The following ZNRF2 variants were observed in gnomAD, a reference collection of about 807,000 sequenced individuals.
ZNRF2 encodes the protein E3 ubiquitin-protein ligase ZNRF2.
A neutral mutation model predicts 20.4 loss-of-function variants in ZNRF2; 16 were observed. The ratio of observed to expected loss-of-function variants is 0.79; its 90% CI spans 0.53 to 1.19. ZNRF2 has a LOEUF of 1.19. Among genes scored for constraint, ZNRF2 ranks in the 50% most tolerant of loss-of-function variants. The probability of loss-of-function intolerance (pLI) is 0.00; values close to 1 mark genes in which losing one functional copy is unlikely to be tolerated. For missense variants in ZNRF2, 363 were observed against 332.4 expected, an observed-to-expected ratio of 1.09 and a Z score of -0.72; for synonymous variants, 178 against 144.9, an observed-to-expected ratio of 1.23 and a Z score of -1.64.
At chr7:30,300,922 A>T (rs976024593) in intron 1 of ZNRF2, among the ~76,000 whole-genome samples, 1 of 152,226 alleles carries the variant, frequency 6.6e-6, no homozygotes, top group Non-Finnish European at 1.5e-5. Flanking sequence ...AAATGAATCA[A>T]ACAATTTAAC....
intron 2 of ZNRF2, among the ~76,000 whole-genome samples, chr7:30,334,144 T>G (rs1799681694): frequency 6.6e-6 from 1 of 152,194 alleles, no homozygotes; most frequent in Admixed American, 6.5e-5. Flanking sequence ...ATGGAAGTCT[T>G]TAGTTCATCT....
intron 2 of ZNRF2, among the ~76,000 whole-genome samples, chr7:30,341,510 G>A (rs1799795319): frequency 6.6e-6 from 1 of 152,116 alleles, no homozygotes. Flanking sequence ...TAGTCATTGA[G>A]GAGCAGGTTG....
intron 1 of ZNRF2, among the ~76,000 whole-genome samples, chr7:30,290,728 C>G (rs1445515694): frequency 6.6e-6 from 1 of 152,226 alleles, no homozygotes; most frequent in East Asian, 1.9e-4. Flanking sequence ...ATAGTCACAT[C>G]AGTTCTTTCT....
At position 30,295,050 on chromosome 7, in the gene ZNRF2, A is replaced by AGAGAGT. The variant is rs1412764480; in HGVS notation, c.469+9225_469+9226insAGAGTG. On this transcript the variant is annotated intron_variant, in intron 1 of 4. Transcript: ENST00000323037. ...GAGAGAGAGAGAGAGAGAGAGAGAG[A>AGAGAGT]GTGTGTGTGTGTGTGTGTGTGTGTG... Among the ~76,000 whole-genome samples the AGAGAGT allele has an allele frequency of 5.4e-3, 206 of 38,282 alleles. 1 individual carries two copies. The highest frequency in any genetic ancestry group is 0.021 in the Middle Eastern group (1 of 48). The allele number at this position is 38,282 out of a possible 152,430, so 25.1% of individuals were successfully genotyped here.
chr7:30,341,658 A>T (rs1007097876), intron 2 of ZNRF2, among the ~76,000 whole-genome samples: 2 of 152,170 alleles, frequency 1.3e-5, no homozygotes, highest in Non-Finnish European at 2.9e-5. Flanking sequence ...TCAATTTTAG[A>T]ATAGATGCGA....
At chr7:30,327,732 C>G (rs1042223851) in intron 2 of ZNRF2, among the ~76,000 whole-genome samples, 1 of 151,390 alleles carries the variant, frequency 6.6e-6, no homozygotes, top group South Asian at 2.1e-4. Flanking sequence ...GCTGTGTTGC[C>G]CGGGCTGGAG....
rs909226096 is a variant in ZNRF2, at chr7:30,357,076, C to T, written c.671+1243C>T. On this transcript the variant is annotated intron_variant, in intron 3 of 4. Coordinates refer to ENST00000323037, the MANE Select transcript of ZNRF2 (RefSeq NM_147128.4). ...ATCATCATAATGGAACATTTCACTA[C>T]GCCTTTCATTGAGTCAAGCCACATA... is the stretch of plus-strand genomic sequence containing the variant. Among the ~76,000 whole-genome samples the T allele has an allele frequency of 5.3e-5, 8 of 152,074 alleles. No individual in the cohort carries two copies. The East Asian group carries it at 5.8e-4, about 11-fold the overall frequency.
At chr7:30,319,533 T>C (rs1799434402) in intron 1 of ZNRF2, among the ~76,000 whole-genome samples, 3 of 152,144 alleles carry the variant, frequency 2.0e-5, no homozygotes. Context: ...TTCTGTATTT[T>C]CACCTGACTA....
intron 1 of ZNRF2, among the ~76,000 whole-genome samples, chr7:30,303,935 C>CT (rs1272189241): frequency 3.9e-5 from 6 of 152,170 alleles, no homozygotes; most frequent in Non-Finnish European, 8.8e-5. Context: ...AGCAGGAACT[C>CT]TATTTGTGGT....
At chr7:30,304,181 C>G (rs913138571) in intron 1 of ZNRF2, among the ~76,000 whole-genome samples, 1 of 152,178 alleles carries the variant, frequency 6.6e-6, no homozygotes, top group Non-Finnish European at 1.5e-5. Context: ...CCAGTCTCCT[C>G]TCCTTTTCTG....
At chr7:30,289,956 T>C (rs555505846) in intron 1 of ZNRF2, 14 of 518,886 alleles carry the variant, frequency 2.7e-5, no homozygotes, top group East Asian at 1.1e-4. Context: ...TTACCAAATA[T>C]CATTAATGAG....
At chr7:30,333,663 C>T (rs188840202) in intron 2 of ZNRF2, among the ~76,000 whole-genome samples, 56 of 152,296 alleles carry the variant, frequency 3.7e-4, no homozygotes, top group African/African-American at 1.3e-3. Flanking sequence ...CCATCGCACC[C>T]AGCCCATATT....
At chr7:30,358,575 G>A (rs1800075472) in intron 3 of ZNRF2, among the ~76,000 whole-genome samples, 1 of 152,176 alleles carries the variant, frequency 6.6e-6, no homozygotes, top group Non-Finnish European at 1.5e-5. Flanking sequence ...AACTGCATGG[G>A]AACCAATGAG....
At chr7:30,290,135 T>C (rs1562601963) in intron 1 of ZNRF2, among the ~76,000 whole-genome samples, 1 of 152,216 alleles carries the variant, frequency 6.6e-6, no homozygotes, top group Non-Finnish European at 1.5e-5. Flanking sequence ...TTTATGTGAA[T>C]ATTCTTAAGA....
At chr7:30,314,452 A>G (rs778514180) in intron 1 of ZNRF2, among the ~76,000 whole-genome samples, 8 of 152,192 alleles carry the variant, frequency 5.3e-5, no homozygotes, top group Non-Finnish European at 7.3e-5. Context: ...TGTATTTAAA[A>G]TGATCTAGAC....
intron 1 of ZNRF2, among the ~76,000 whole-genome samples, chr7:30,298,004 A>C (rs2128056915): frequency 6.6e-6 from 1 of 152,262 alleles, no homozygotes; most frequent in South Asian, 2.1e-4. Flanking sequence ...AGTTGGGACC[A>C]CAGGTGCATG....
intron 2 of ZNRF2, among the ~76,000 whole-genome samples, chr7:30,350,444 T>G (rs1158698809): frequency 6.6e-6 from 1 of 152,000 alleles, no homozygotes; most frequent in Non-Finnish European, 1.5e-5. Context: ...AAAGTAATTT[T>G]CAGTGGCATC....
At chr7:30,353,704 G>A (rs1289230635) in intron 2 of ZNRF2, among the ~76,000 whole-genome samples, 1 of 151,952 alleles carries the variant, frequency 6.6e-6, no homozygotes, top group Non-Finnish European at 1.5e-5. Flanking sequence ...AATGAGATGC[G>A]TCTAAAATCG....
At chr7:30,355,146 T>C (rs1583596616) in intron 2 of ZNRF2, among the ~76,000 whole-genome samples, 1 of 152,160 alleles carries the variant, frequency 6.6e-6, no homozygotes, top group Non-Finnish European at 1.5e-5. Context: ...AAAAAGATTA[T>C]GAAGAATTGC....
Sources: gnomAD v4.1 joint callset for allele counts (sites outside exome capture counted in the v4.1 genomes callset) on GRCh38, gnomAD v4.1.1 for gene constraint, MANE v1.5 for transcripts, NCBI Gene and HGNC (gene_info 2026-07-23, HGNC 2026-07-21) for gene names.